Variants in DSCAML1 observed in about 807,000 individuals in gnomAD.
DSCAML1 encodes the protein cell adhesion molecule DSCAML1.
Under a neutral mutation model 200.5 loss-of-function variants are expected in DSCAML1, and 38 were observed. That is an observed-to-expected ratio of 0.19 (90% CI 0.15 to 0.25). The LOEUF (loss-of-function observed/expected upper bound fraction) is 0.25, where lower values mean the gene tolerates loss of function less well. Ranked by LOEUF, DSCAML1 falls within the 10% of genes least tolerant of loss-of-function variation. The probability of loss-of-function intolerance (pLI) is 1.00; values close to 1 mark genes in which losing one functional copy is unlikely to be tolerated. For missense variants in DSCAML1, 2,223 were observed against 2,858.8 expected, an observed-to-expected ratio of 0.78 and a Z score of 5.07; for synonymous variants, 1,215 against 1,165.0, an observed-to-expected ratio of 1.04 and a Z score of -0.87.
At chr11:117,765,613 T>C (rs995772264) in intron 3 of DSCAML1, among the ~76,000 whole-genome samples, 2 of 152,212 alleles carry the variant, frequency 1.3e-5, no homozygotes, top group Non-Finnish European at 2.9e-5. Flanking sequence ...TGCGTCTGTC[T>C]AGCCCTAGGA....
chr11:117,676,010 A>T (rs1386368857), intron 3 of DSCAML1, among the ~76,000 whole-genome samples: 1 of 152,196 alleles, frequency 6.6e-6, no homozygotes, highest in African/African-American at 2.4e-5. Context: ...AGGAGGAAAT[A>T]GCACTTTCGA....
At chr11:117,510,463 G>A (rs2049596615) in intron 8 of DSCAML1, among the ~76,000 whole-genome samples, 2 of 121,156 alleles carry the variant, frequency 1.7e-5, no homozygotes, top group Non-Finnish European at 3.7e-5. Flanking sequence ...GTTAAAACAA[G>A]TCCCATATTT....
At chr11:117,447,541 C>G (rs1011328467) in intron 20 of DSCAML1, among the ~76,000 whole-genome samples, 3 of 152,098 alleles carry the variant, frequency 2.0e-5, no homozygotes, top group Non-Finnish European at 4.4e-5. Flanking sequence ...CCTCTCTATT[C>G]TTTTATATGT....
chr11:117,488,530 C>A (rs1055287418), intron 11 of DSCAML1, among the ~76,000 whole-genome samples: 2 of 145,712 alleles, frequency 1.4e-5, no homozygotes, highest in Non-Finnish European at 1.5e-5. Flanking sequence ...TCCTGACATG[C>A]ACAGACACAG....
chr11:117,565,625 G>A (rs1218146893), intron 3 of DSCAML1, among the ~76,000 whole-genome samples: 1 of 152,178 alleles, frequency 6.6e-6, no homozygotes. Flanking sequence ...CACACAGAAG[G>A]GGCTCCATGT....
chr11:117,438,807 A>G, intron 24 of DSCAML1, 78 bp downstream of exon 24: 1 of 1,252,668 alleles, frequency 8.0e-7, no homozygotes, highest in South Asian at 1.8e-5. Flanking sequence ...CAAATGGCAG[A>G]AGTGGGTGAA....
chr11:117,552,427 A>AC (rs1300218647), intron 3 of DSCAML1, among the ~76,000 whole-genome samples: 3 of 149,318 alleles, frequency 2.0e-5, no homozygotes, highest in African/African-American at 5.0e-5. Context: ...CTCACAATCC[A>AC]CCCCCCTCTC....
intron 2 of DSCAML1, among the ~76,000 whole-genome samples, chr11:117,777,362 C>T (rs902433180): frequency 9.9e-5 from 15 of 152,160 alleles, no homozygotes; most frequent in African/African-American, 1.9e-4. Context: ...AAAACCAAAC[C>T]GGATTTCCTG....
intron 3 of DSCAML1, among the ~76,000 whole-genome samples, chr11:117,641,804 G>A (rs964862367): frequency 6.6e-6 from 1 of 152,116 alleles, no homozygotes; most frequent in South Asian, 2.1e-4. Flanking sequence ...CCTCCCTCAT[G>A]GAATGAAGGG....
At chr11:117,805,317 A>G (rs1432542530) in intron 1 of DSCAML1, among the ~76,000 whole-genome samples, 1 of 152,186 alleles carries the variant, frequency 6.6e-6, no homozygotes, top group Non-Finnish European at 1.5e-5. Flanking sequence ...AGAATGCAGC[A>G]ATAAGGTTCC....
chr11:117,634,727 T>C (rs1328336140), intron 3 of DSCAML1, among the ~76,000 whole-genome samples: 1 of 152,140 alleles, frequency 6.6e-6, no homozygotes, highest in Non-Finnish European at 1.5e-5. Context: ...AACACAACTG[T>C]CCCTCTAGGT....
chr11:117,744,949 C>T (rs369418176), intron 3 of DSCAML1, among the ~76,000 whole-genome samples: 1 of 152,254 alleles, frequency 6.6e-6, no homozygotes, highest in African/African-American at 2.4e-5. Context: ...ACCCAGAGGA[C>T]GTGCTGCCCA....
intron 3 of DSCAML1, among the ~76,000 whole-genome samples, chr11:117,612,421 G>T (rs1461401401): frequency 6.6e-6 from 1 of 152,114 alleles, no homozygotes; most frequent in Non-Finnish European, 1.5e-5. Flanking sequence ...TCCCCAGCCT[G>T]CTTCCTTCTC....
At chr11:117,508,082 G>T (rs1056313918) in intron 8 of DSCAML1, among the ~76,000 whole-genome samples, 2 of 152,050 alleles carry the variant, frequency 1.3e-5, no homozygotes, top group African/African-American at 4.8e-5. Flanking sequence ...GCTTTCTGAT[G>T]GATTGTAGCA....
chr11:117,781,743 G>A (rs1446925171), intron 1 of DSCAML1, among the ~76,000 whole-genome samples: 1 of 152,232 alleles, frequency 6.6e-6, no homozygotes, highest in Non-Finnish European at 1.5e-5. Context: ...GAGAGGATGG[G>A]CAAGACTGCA....
chr11:117,606,530 T>C (rs79656669), intron 3 of DSCAML1, among the ~76,000 whole-genome samples: 2,459 of 152,330 alleles, frequency 0.016, 25 homozygotes, highest in East Asian at 0.061. Context: ...ACAATGCTAC[T>C]TCAAGTATTT....
Position 117,437,171 on chromosome 11 carries a change from C to T in DSCAML1, c.4671G>A (p.Ala1557=), listed in dbSNP as rs369822115. 196 of 1,614,184 alleles carry T rather than the reference C, an allele frequency of 1.2e-4. 1 individual carries two copies. In the South Asian group the frequency reaches 1.9e-3, roughly 15 times the overall value. ...YELRMRACNS[A]GCGNETAQFA... ...ACTGGGCTGTTTCATTGCCGCAGCC[C>T]GCACTGTTGCAAGCCCTCATGCGCA... Residue 1557 remains alanine (A), a synonymous_variant, in exon 26 of 33, where the codon GCG becomes GCA. Transcript: ENST00000651296. The surrounding 1 kb of genome is among the most constrained non-coding windows in gnomAD (Gnocchi z 5.3).
In DSCAML1 at chr11:117,780,539, C is replaced by T. The variant is rs2134054054; in HGVS notation, c.318G>A (p.Glu106=). ...IHDNDYFCTA[E]NAAGKIRSPN... The stretch of plus-strand genomic sequence containing the variant: ...GGCTCCGGATCTTGCCGGCAGCGTT[C>T]TCCGCGGTGCAGAAGTAGTCATTGT... Residue 106 remains glutamate (E), a synonymous_variant, in exon 2 of 33, where the codon GAG becomes GAA. Coordinates refer to ENST00000651296, the MANE Select transcript of DSCAML1 (RefSeq NM_020693.4). The surrounding 1 kb of genome is among the most constrained non-coding windows in gnomAD (Gnocchi z 4.8). 2.0e-6 allele frequency: 3 copies of T among 1,477,546 alleles called. No homozygotes were observed. The South Asian group carries it at 4.3e-5, about 21-fold the overall frequency. 91.5% of individuals were successfully genotyped at this position (1,477,546 alleles called of 1,614,324 possible).
chr11:117,476,973 C>T (rs1169883059), intron 14 of DSCAML1, among the ~76,000 whole-genome samples: 1 of 152,132 alleles, frequency 6.6e-6, no homozygotes, highest in African/African-American at 2.4e-5. Context: ...TATCATGTGC[C>T]AGGCTGGGTG....
Sources: gnomAD v4.1 joint callset for allele counts (sites outside exome capture counted in the v4.1 genomes callset) on GRCh38, gnomAD v4.1.1 for gene constraint, Gnocchi (gnomAD v3.1) non-coding constraint, MANE v1.5 for transcripts, NCBI Gene and HGNC (gene_info 2026-07-23, HGNC 2026-07-21) for gene names.